Variants in HACE1 observed in about 807,000 individuals in gnomAD.
HACE1 encodes E3 ubiquitin-protein ligase HACE1.
Under a neutral mutation model 118.4 loss-of-function variants are expected in HACE1, and 73 were observed. The observed-to-expected ratio is 0.62, with a 90% CI of 0.51 to 0.75. The LOEUF (loss-of-function observed/expected upper bound fraction) is 0.75. HACE1 is among the 30% of genes least tolerant of loss of function. The pLI, the probability that HACE1 is intolerant of heterozygous loss-of-function variation, is 0.00. For missense variants in HACE1, 749 were observed against 1,102.2 expected (o/e 0.68, Z 4.54); for synonymous variants, 368 against 374.8 (o/e 0.98, Z 0.21).
chr6:104,751,760 T>A (rs1021221075), intron 19 of HACE1, among the ~76,000 whole-genome samples: 1 of 152,148 alleles, frequency 6.6e-6, no homozygotes, highest in Non-Finnish European at 1.5e-5. Context: ...TTATCATTTA[T>A]ATATTTTTTA....
chr6:104,803,607 C>CA (rs1770648568), intron 7 of HACE1, among the ~76,000 whole-genome samples: 1 of 152,158 alleles, frequency 6.6e-6, no homozygotes, highest in African/African-American at 2.4e-5. Flanking sequence ...GAACCAACGG[C>CA]AAAAACCACA....
chr6:104,737,476 G>A (rs570075144), intron 22 of HACE1, among the ~76,000 whole-genome samples: 10 of 152,168 alleles, frequency 6.6e-5, no homozygotes, highest in South Asian at 4.2e-4. Context: ...TGTGCGCACC[G>A]TGCGCGAGCC....
chr6:104,804,633 G>C (rs1019865560), intron 7 of HACE1, among the ~76,000 whole-genome samples: 1 of 152,174 alleles, frequency 6.6e-6, no homozygotes, highest in African/African-American at 2.4e-5. Flanking sequence ...GATAAATGGT[G>C]CTGGGAAAAC....
At chr6:104,735,350 C>T (rs765153335) in intron 22 of HACE1, among the ~76,000 whole-genome samples, 59 of 152,072 alleles carry the variant, frequency 3.9e-4, no homozygotes, top group African/African-American at 1.0e-3. Context: ...AAAAATGGGC[C>T]GGGTGCGGTG....
chr6:104,807,544 T>TA (rs1771146516), intron 7 of HACE1, among the ~76,000 whole-genome samples: 2 of 152,228 alleles, frequency 1.3e-5, no homozygotes, highest in Non-Finnish European at 2.9e-5. Context: ...AAACAGAAAA[T>TA]ACCTGAAAAC....
chr6:104,778,565 C>G, intron 14 of HACE1, among the ~76,000 whole-genome samples: 1 of 151,482 alleles, frequency 6.6e-6, no homozygotes. Context: ...GAGGCCAAGG[C>G]AGGAGGATCG....
At chr6:104,744,390 G>T in intron 21 of HACE1, 122 bp downstream of exon 21, 1 of 807,512 alleles carries the variant, frequency 1.2e-6, no homozygotes, top group Non-Finnish European at 2.2e-6. Context: ...ATTCCCACAA[G>T]AATAATTTGG....
intron 19 of HACE1, among the ~76,000 whole-genome samples, chr6:104,770,586 G>A (rs1780496596): frequency 6.6e-6 from 1 of 152,058 alleles, no homozygotes; most frequent in South Asian, 2.1e-4. Context: ...GGGCATGGTG[G>A]CGCACCCCTG....
At chr6:104,733,424 T>C (rs1325056957) in intron 22 of HACE1, among the ~76,000 whole-genome samples, 1 of 152,180 alleles carries the variant, frequency 6.6e-6, no homozygotes, top group African/African-American at 2.4e-5. Context: ...GATCTGATCA[T>C]GTTAAGATCA....
At chr6:104,742,392 A>C (rs1776848352) in intron 22 of HACE1, among the ~76,000 whole-genome samples, 2 of 149,108 alleles carry the variant, frequency 1.3e-5, no homozygotes, top group South Asian at 4.3e-4. Context: ...AAATGGGAGA[A>C]AATTTTCACA....
In HACE1 at chr6:104,852,362, G is replaced by T; in HGVS notation, c.86C>A (p.Thr29Asn). 1 of 1,577,318 alleles carries T rather than the reference G, an allele frequency of 6.3e-7. No individual in the cohort carries two copies. The highest frequency in any genetic ancestry group is 8.7e-7 in the Non-Finnish European group (1 of 1,153,194). The change falls in exon 2 of 24, where the codon ACT becomes AAT. Residue 29 changes from threonine (T) to asparagine (N), a missense_variant. Around this residue, in one of 5 missense-constraint regions of HACE1, gnomAD observed 120 missense variants for 219.1 expected, o/e 0.55. Transcript: ENST00000262903. ...RTVELPEDNE[T>N]AVYTLMPMVM... The stretch of plus-strand genomic sequence containing the variant: ...CATTGGCATTAATGTATAAACAGCA[G>T]TTTCATTATCTGAGTAAAAAAAAAC...
At chr6:104,851,583 T>C (rs1259412784) in intron 2 of HACE1, among the ~76,000 whole-genome samples, 4 of 152,202 alleles carry the variant, frequency 2.6e-5, no homozygotes, top group African/African-American at 9.7e-5. Context: ...AAGCTGGCTT[T>C]AGCTTTCCTT....
chr6:104,780,272 CTCAGA>C (rs1186554775), intron 14 of HACE1: 1 of 359,652 alleles, frequency 2.8e-6, no homozygotes, highest in African/African-American at 2.2e-5. Context: ...CCTTCAAAAG[CTCAGA>C]TCAAACACAC....
intron 20 of HACE1, among the ~76,000 whole-genome samples, chr6:104,746,327 C>G (rs780841332): frequency 5.9e-5 from 9 of 152,192 alleles, no homozygotes; most frequent in Non-Finnish European, 1.3e-4. Flanking sequence ...GAATCCTTTT[C>G]CTAGATGAAG....
intron 3 of HACE1, 62 bp downstream of exon 3, chr6:104,850,845 G>A: frequency 2.0e-6 from 2 of 1,004,682 alleles, no homozygotes; most frequent in Non-Finnish European, 3.2e-6. Flanking sequence ...TGATAATGCT[G>A]TTCAAAGCTT....
chr6:104,854,614 A>G (rs1200264382), intron 1 of HACE1, among the ~76,000 whole-genome samples: 1 of 152,176 alleles, frequency 6.6e-6, no homozygotes, highest in Non-Finnish European at 1.5e-5. Context: ...AAAAAAAAAA[A>G]CTGTAAAAGG....
At chr6:104,848,454 CAAA>C (rs1399689721) in intron 4 of HACE1, among the ~76,000 whole-genome samples, 3 of 86,546 alleles carry the variant, frequency 3.5e-5, no homozygotes, top group Non-Finnish European at 7.2e-5. Flanking sequence ...GACCCCATCT[CAAA>C]AAAAAAAAAA....
At chr6:104,739,080 C>T (rs1366622944) in intron 22 of HACE1, among the ~76,000 whole-genome samples, 122 of 151,058 alleles carry the variant, frequency 8.1e-4, no homozygotes, top group Admixed American at 3.4e-3. Flanking sequence ...GCTTCATAAG[C>T]GAAGGAGAAA....
In HACE1 at chr6:104,803,235, G is replaced by A. The variant is rs189002817; in HGVS notation, c.618-6210C>T. Among the ~76,000 whole-genome samples, 468 of 152,268 alleles carry A rather than the reference G, an allele frequency of 3.1e-3. 5 individuals carry two copies. Among genetic ancestry groups the A allele is most frequent in the African/African-American group, 0.011 (452 of 41,552 alleles). On this transcript the variant is annotated intron_variant, in intron 7 of 23. Coordinates refer to ENST00000262903, the MANE Select transcript of HACE1 (RefSeq NM_020771.4). ...AACCAAAAAAAGTCCAGGAACAGAC[G>A]GATTCACAGCCGAATTCTACCAGAG...
Sources: allele counts gnomAD v4.1 joint callset (sites outside exome capture counted in the v4.1 genomes callset), GRCh38; gene constraint gnomAD v4.1.1; regional missense constraint gnomAD v4.1.1; transcripts MANE v1.5; gene names NCBI Gene and HGNC (gene_info 2026-07-23, HGNC 2026-07-21).